AGBL1: variants seen among roughly 807,000 people sequenced by gnomAD.
AGBL1 encodes cytosolic carboxypeptidase 4.
In AGBL1, 130 loss-of-function variants were observed where a neutral mutation model predicts 118.9. The observed-to-expected ratio is 1.09, with a 90% CI of 0.95 to 1.26. AGBL1 has a LOEUF of 1.26. AGBL1 is among the 50% of genes most tolerant of loss of function. The pLI is 0.00. For missense variants in AGBL1, 1,584 were observed against 1,298.1 expected, an observed-to-expected ratio of 1.22 and a Z score of -3.38; for synonymous variants, 555 against 478.9, an observed-to-expected ratio of 1.16 and a Z score of -2.08.
At chr15:86,738,331 C>A (rs1309794388) in intron 22 of AGBL1, among the ~76,000 whole-genome samples, 1 of 152,034 alleles carries the variant, frequency 6.6e-6, no homozygotes, top group African/African-American at 2.4e-5. Context: ...GACAAGGATG[C>A]CCACTCTCAC....
At chr15:86,396,579 A>G (rs1234468436) in intron 17 of AGBL1, among the ~76,000 whole-genome samples, 1 of 152,106 alleles carries the variant, frequency 6.6e-6, no homozygotes, top group Non-Finnish European at 1.5e-5. Context: ...TCTTACAGTC[A>G]TGGAATTCCA....
intron 22 of AGBL1, among the ~76,000 whole-genome samples, chr15:86,898,903 T>C (rs2141576028): frequency 6.6e-6 from 1 of 152,166 alleles, no homozygotes; most frequent in East Asian, 1.9e-4. Context: ...TTTGCTAGCA[T>C]GGTGGTGGAG....
rs77559894 is a variant in AGBL1 at position 86,262,325 on chromosome 15, T to C, written c.970-453T>C. Among the ~76,000 whole-genome samples, 583 of 152,214 alleles carry C rather than the reference T, an allele frequency of 3.8e-3. 3 individuals carry two copies. The highest frequency in any genetic ancestry group is 0.013 in the African/African-American group (557 of 41,548). On this transcript the variant is annotated intron_variant, in intron 9 of 22. Transcript: ENST00000614907. ...GAAGCATGGATGTTTGTCTGTTCCA[T>C]TGTGACCGAAACTTCAGTACCGGGA...
rs544595457 is a variant in AGBL1 at position 87,019,783 on chromosome 15, T to G, written c.3324-9042T>G. On this transcript the variant is annotated intron_variant, in intron 24 of 24. Coordinates refer to the AGBL1 transcript ENST00000441037. ...TAAATAACCAAGATTAGAGGTGAACTGAAGGAGATAGAAACCCCCCAAAAT... is the reference window on the plus strand; with the variant it reads ...TAAATAACCAAGATTAGAGGTGAACGGAAGGAGATAGAAACCCCCCAAAAT... Among the ~76,000 whole-genome samples, 4 of 151,840 alleles carry G rather than the reference T, an allele frequency of 2.6e-5. No homozygotes were observed. The South Asian group carries it at 8.3e-4, about 32-fold the overall frequency.
chr15:86,568,930 G>C (rs1038453877), intron 21 of AGBL1, among the ~76,000 whole-genome samples: 1 of 151,914 alleles, frequency 6.6e-6, no homozygotes, highest in Non-Finnish European at 1.5e-5. Flanking sequence ...TGATAAATAT[G>C]ATTTAAAAGT....
At chr15:86,629,108 A>G (rs563583171) in intron 21 of AGBL1, among the ~76,000 whole-genome samples, 1 of 152,266 alleles carries the variant, frequency 6.6e-6, no homozygotes, top group African/African-American at 2.4e-5. Flanking sequence ...TATAGCTGTA[A>G]CATTTACAGC....
intron 1 of AGBL1, among the ~76,000 whole-genome samples, chr15:86,101,836 A>G (rs1239548313): frequency 6.6e-6 from 1 of 152,120 alleles, no homozygotes; most frequent in Non-Finnish European, 1.5e-5. Context: ...TTCAGTCTAT[A>G]TCTTTTAAAT....
rs74989925 is a variant in AGBL1 at position 86,842,623 on chromosome 15, C to T, written c.3159-64464C>T. The stretch of plus-strand genomic sequence containing the variant: ...CTCATGCTAATATAAAGAAATGCTC[C>T]TCTCTGCAGCAGGAAAGTGAGGAGT... On this transcript the variant is annotated intron_variant, in intron 22 of 22. Coordinates refer to ENST00000614907, the MANE Select transcript of AGBL1 (RefSeq NM_001386094.1). 9.3e-4 allele frequency among the ~76,000 whole-genome samples: 142 copies of T among 152,272 alleles called. 1 individual carries two copies. Among genetic ancestry groups the T allele is most frequent in the African/African-American group, 2.7e-3 (113 of 41,522 alleles).
At chr15:87,030,064 A>G (rs566970871), downstream of AGBL1, among the ~76,000 whole-genome samples, 96 of 152,156 alleles carry the variant, frequency 6.3e-4, no homozygotes, top group African/African-American at 2.3e-3. Context: ...TATTACAATT[A>G]AAAGGTTGGA....
At chr15:86,196,105 T>C (rs2077797705) in intron 5 of AGBL1, among the ~76,000 whole-genome samples, 1 of 152,328 alleles carries the variant, frequency 6.6e-6, no homozygotes, top group African/African-American at 2.4e-5. Context: ...TTTTTTAGTT[T>C]TTTTCAGAGA....
chr15:86,398,372 C>T (rs116057880), intron 18 of AGBL1, among the ~76,000 whole-genome samples: 432 of 152,138 alleles, frequency 2.8e-3, no homozygotes, highest in African/African-American at 8.0e-3. Flanking sequence ...AGGATAAAGC[C>T]GCCCCTTGCC....
intron 1 of AGBL1, among the ~76,000 whole-genome samples, chr15:86,141,772 C>G (rs888099392): frequency 2.0e-5 from 3 of 152,210 alleles, no homozygotes; most frequent in African/African-American, 7.2e-5. Flanking sequence ...TTTTGTTCAT[C>G]TTGCTGATGT....
chr15:86,123,642 C>T (rs373536168), intron 1 of AGBL1, among the ~76,000 whole-genome samples: 2 of 152,196 alleles, frequency 1.3e-5, no homozygotes, highest in South Asian at 4.1e-4. Flanking sequence ...TTTGAATCCG[C>T]CTATGACCTG....
chr15:86,605,932 G>T (rs1567080534), intron 21 of AGBL1, among the ~76,000 whole-genome samples: 1 of 151,936 alleles, frequency 6.6e-6, no homozygotes, highest in African/African-American at 2.4e-5. Context: ...TTCAAGACCA[G>T]CCTGGTCAAC....
At chr15:86,584,961 G>A (rs1344725730) in intron 21 of AGBL1, among the ~76,000 whole-genome samples, 1 of 152,058 alleles carries the variant, frequency 6.6e-6, no homozygotes, top group East Asian at 1.9e-4. Context: ...AAATGGGATT[G>A]TGTTCTTGAT....
Position 86,188,277 on chromosome 15 carries a change from T to C in AGBL1, c.488+29251T>C, listed in dbSNP as rs746375874. Among the ~76,000 whole-genome samples, 12 of 152,280 alleles carry C rather than the reference T, an allele frequency of 7.9e-5. No individual in the cohort carries two copies. The East Asian group carries it at 1.5e-3, about 20-fold the overall frequency. Reference sequence around the variant, plus strand: ...TGATCCTGTCAGTTCTTGTTAATGATCATGCTTTCTTTAGTACTGAGTAAT... The same window carrying C: ...TGATCCTGTCAGTTCTTGTTAATGACCATGCTTTCTTTAGTACTGAGTAAT... On this transcript the variant is annotated intron_variant, in intron 5 of 22. Transcript: ENST00000614907.
intron 1 of AGBL1, among the ~76,000 whole-genome samples, chr15:86,084,445 A>G (rs1244550766): frequency 6.6e-6 from 1 of 152,168 alleles, no homozygotes; most frequent in Non-Finnish European, 1.5e-5. Flanking sequence ...TGTCTTACAG[A>G]TGAGGACACT....
chr15:86,318,438 AT>A (rs1262721487), intron 17 of AGBL1, among the ~76,000 whole-genome samples: 3 of 151,858 alleles, frequency 2.0e-5, no homozygotes, highest in African/African-American at 7.2e-5. Flanking sequence ...GATGTTTTAA[AT>A]TATTTGAGCC....
chr15:86,843,389 T>C (rs550285956), intron 22 of AGBL1, among the ~76,000 whole-genome samples: 3 of 152,158 alleles, frequency 2.0e-5, no homozygotes, highest in African/African-American at 7.2e-5. Flanking sequence ...AAGGTCTGGA[T>C]GTTAAGGCAA....
Sources: allele counts gnomAD v4.1 joint callset (sites outside exome capture counted in the v4.1 genomes callset), GRCh38; gene constraint gnomAD v4.1.1; transcripts MANE v1.5; gene names NCBI Gene and HGNC (gene_info 2026-07-23, HGNC 2026-07-21).